Variants in OSBPL10 observed in about 807,000 individuals in gnomAD.
OSBPL10 encodes oxysterol-binding protein-related protein 10.
In OSBPL10, 49 loss-of-function variants were observed where a neutral mutation model predicts 81.7. The ratio of observed to expected loss-of-function variants is 0.60; its 90% confidence interval spans 0.48 to 0.76. OSBPL10 has a LOEUF of 0.76. Among genes scored for constraint, OSBPL10 ranks in the 30% least tolerant of loss-of-function variants. The probability of loss-of-function intolerance (pLI) is 0.00; values close to 1 mark genes in which losing one functional copy is unlikely to be tolerated. For synonymous variants in OSBPL10, 419 were observed against 383.6 expected, an observed-to-expected ratio of 1.09 and a Z score of -1.08; for missense variants, 923 against 987.8, an observed-to-expected ratio of 0.93 and a Z score of 0.88.
Position 31,965,834 on chromosome 3 carries a change from A to T in OSBPL10, c.281+15065T>A, listed in dbSNP as rs374185750. ...TATAATATATATTATATAAATATAT[A>T]ATATATATTATATAAAAAGATAATA... On this transcript the variant is annotated intron_variant, in intron 1 of 11. Transcript: ENST00000396556. 1.9e-3 allele frequency among the ~76,000 whole-genome samples: 109 copies of T among 56,934 alleles called. 2 individuals carry two copies. The highest frequency in any genetic ancestry group is 7.1e-3 in the East Asian group (11 of 1,554). 37.4% of individuals were successfully genotyped at this position (56,934 alleles called of 152,430 possible).
Position 31,733,360 on chromosome 3 carries a change from T to G in OSBPL10, c.992A>C (p.Lys331Thr). ...TGGCAAAGAGCCAAGTGTCCCATTT[T>G]TCAGCTGCTCTGTGGAATGTGACTT... ...GSKSHSTEQL[K>T]NGTLGSLPSA... Residue 331 changes from lysine to threonine, a missense_variant, in exon 6 of 12, where the codon AAA becomes ACA. By Grantham distance (78) the Lys-to-Thr change is moderately conservative (BLOSUM62 -1). Transcript: ENST00000396556. 1 of 1,614,100 alleles carries G rather than the reference T, an allele frequency of 6.2e-7. No individual in the cohort carries two copies. Among genetic ancestry groups the G allele is most frequent in the Non-Finnish European group, 8.5e-7 (1 of 1,180,012 alleles).
intron 2 of OSBPL10, among the ~76,000 whole-genome samples, chr3:31,996,958 G>T (rs1021311379): frequency 2.6e-5 from 4 of 152,160 alleles, no homozygotes; most frequent in African/African-American, 9.7e-5. Context: ...CTCACAATGG[G>T]AGAGAAGCCA....
intron 2 of OSBPL10, chr3:31,991,106 G>A (rs1049739965): frequency 3.2e-6 from 3 of 925,154 alleles, no homozygotes; most frequent in African/African-American, 3.4e-5. Flanking sequence ...AGTTTCAGTT[G>A]ACTTGACATT....
intron 1 of OSBPL10, among the ~76,000 whole-genome samples, chr3:31,880,669 G>A (rs1230858273): frequency 6.6e-6 from 1 of 152,302 alleles, no homozygotes; most frequent in Admixed American, 6.5e-5. Flanking sequence ...ACTGACACTA[G>A]TCTTTTCTCT....
intron 6 of OSBPL10, among the ~76,000 whole-genome samples, chr3:31,712,985 T>G (rs1427913800): frequency 1.3e-5 from 2 of 152,234 alleles, no homozygotes; most frequent in African/African-American, 4.8e-5. Context: ...ATCTAGAATC[T>G]CATGGTTTCT....
At chr3:31,773,434 C>T (rs1460896852) in intron 4 of OSBPL10, among the ~76,000 whole-genome samples, 1 of 152,146 alleles carries the variant, frequency 6.6e-6, no homozygotes, top group Non-Finnish European at 1.5e-5. Context: ...GTTCTCATCA[C>T]ATAGGCTTAT....
chr3:31,932,876 G>C (rs1697287317), intron 1 of OSBPL10, among the ~76,000 whole-genome samples: 1 of 151,988 alleles, frequency 6.6e-6, no homozygotes, highest in Non-Finnish European at 1.5e-5. Flanking sequence ...TTTTAAGATG[G>C]TAGAATATTC....
intron 2 of OSBPL10, among the ~76,000 whole-genome samples, chr3:32,018,059 A>T (rs1699330839): frequency 6.6e-6 from 1 of 152,004 alleles, no homozygotes; most frequent in Non-Finnish European, 1.5e-5. Flanking sequence ...GAGGCAGGAG[A>T]ATCACTTGAA....
chr3:31,752,006 T>C (rs1302284286), intron 4 of OSBPL10, among the ~76,000 whole-genome samples: 1 of 152,124 alleles, frequency 6.6e-6, no homozygotes, highest in Non-Finnish European at 1.5e-5. Flanking sequence ...GCTATGTCCA[T>C]CTCTCTCTCA....
intron 2 of OSBPL10, among the ~76,000 whole-genome samples, chr3:31,998,577 C>G (rs1699113492): frequency 6.6e-6 from 1 of 152,236 alleles, no homozygotes; most frequent in African/African-American, 2.4e-5. Flanking sequence ...GTTTCCTTAT[C>G]TGTCCCTTTC....
chr3:31,828,681 C>T (rs920823207), intron 4 of OSBPL10, among the ~76,000 whole-genome samples: 16 of 152,128 alleles, frequency 1.1e-4, no homozygotes, highest in East Asian at 5.8e-4. Flanking sequence ...TACAGTCACG[C>T]GCCACCATGC....
intron 1 of OSBPL10, among the ~76,000 whole-genome samples, chr3:31,967,580 T>C (rs1226063956): frequency 6.6e-6 from 1 of 152,222 alleles, no homozygotes; most frequent in African/African-American, 2.4e-5. Flanking sequence ...CTTCATCTCA[T>C]TTATAAATGA....
intron 4 of OSBPL10, among the ~76,000 whole-genome samples, chr3:31,783,111 T>TTTTATATATA (rs1048319563): frequency 1.8e-4 from 22 of 121,658 alleles, no homozygotes; most frequent in African/African-American, 6.2e-4. Flanking sequence ...AATATATCTA[T>TTTTATATATA]TATATATATA....
At chr3:31,711,926 A>T (rs147789364) in intron 6 of OSBPL10, among the ~76,000 whole-genome samples, 1 of 152,336 alleles carries the variant, frequency 6.6e-6, no homozygotes, top group East Asian at 1.9e-4. Flanking sequence ...GCAAAATCAA[A>T]TAGCAAAGGC....
intron 1 of OSBPL10, among the ~76,000 whole-genome samples, chr3:31,900,182 C>T (rs903441906): frequency 4.4e-4 from 67 of 151,020 alleles, no homozygotes; most frequent in African/African-American, 1.6e-3. Flanking sequence ...CGCCACCATG[C>T]CAGGCTAATT....
intron 2 of OSBPL10, among the ~76,000 whole-genome samples, chr3:32,024,230 A>C (rs1436391674): frequency 1.3e-5 from 2 of 151,706 alleles, no homozygotes; most frequent in African/African-American, 4.9e-5. Context: ...TCAGCTTATC[A>C]ATTGCTACAA....
chr3:31,949,595 G>C (rs1697805056), intron 1 of OSBPL10, among the ~76,000 whole-genome samples: 2 of 143,622 alleles, frequency 1.4e-5, no homozygotes, highest in Admixed American at 1.5e-4. Context: ...GTGAACCCGG[G>C]AGGTGGAGCT....
At chr3:31,745,877 T>A (rs1697505354) in intron 5 of OSBPL10, among the ~76,000 whole-genome samples, 1 of 152,150 alleles carries the variant, frequency 6.6e-6, no homozygotes, top group Non-Finnish European at 1.5e-5. Context: ...CTTTCATGCT[T>A]CAGTGAAACA....
intron 3 of OSBPL10, among the ~76,000 whole-genome samples, chr3:31,854,841 C>T (rs1700868515): frequency 6.6e-6 from 1 of 152,190 alleles, no homozygotes; most frequent in South Asian, 2.1e-4. Context: ...TTAAATACCT[C>T]TAACTGCTTC....
Sources: allele counts gnomAD v4.1 joint callset (sites outside exome capture counted in the v4.1 genomes callset), GRCh38; gene constraint gnomAD v4.1.1; transcripts MANE v1.5; gene names NCBI Gene and HGNC (gene_info 2026-07-23, HGNC 2026-07-21).